DNAJC11: variants seen among roughly 807,000 people sequenced by gnomAD.
DNAJC11 encodes the protein DnaJ heat shock protein family (Hsp40) member C11.
DNAJC11 carries 15 observed loss-of-function variants against 78.6 expected under a neutral mutation model. The ratio of observed to expected loss-of-function variants is 0.19; its 90% CI spans 0.13 to 0.29. DNAJC11 has a LOEUF of 0.29. Ranked by LOEUF, DNAJC11 falls within the 10% of genes least tolerant of loss-of-function variation. DNAJC11 has a pLI of 1.00. For missense variants in DNAJC11, 547 were observed against 709.6 expected, an observed-to-expected ratio of 0.77 and a Z score of 2.60; for synonymous variants, 292 against 272.1, an observed-to-expected ratio of 1.07 and a Z score of -0.72.
intron 3 of DNAJC11, chr1:6,668,298 G>C (rs1389564285): frequency 3.3e-5 from 5 of 153,170 alleles, no homozygotes; most frequent in African/African-American, 1.2e-4. Flanking sequence ...CACCACCCCT[G>C]GCTAATTTTT....
intron 4 of DNAJC11, among the ~76,000 whole-genome samples, chr1:6,661,405 G>A (rs1642209444): frequency 6.6e-6 from 1 of 152,148 alleles, no homozygotes; most frequent in African/African-American, 2.4e-5. Flanking sequence ...AACCTTGTTT[G>A]TGAGCGATTA....
chr1:6,672,141 G>T (rs1212898188), intron 3 of DNAJC11, among the ~76,000 whole-genome samples: 1 of 152,148 alleles, frequency 6.6e-6, no homozygotes, highest in Non-Finnish European at 1.5e-5. Flanking sequence ...GGCCTGGATA[G>T]AAATTTTATA....
At chr1:6,675,289 G>GAA (rs755060430) in intron 3 of DNAJC11, among the ~76,000 whole-genome samples, 2 of 117,872 alleles carry the variant, frequency 1.7e-5, no homozygotes, top group Non-Finnish European at 3.6e-5. Flanking sequence ...GTATCCACAT[G>GAA]AAAAAAAAAA....
chr1:6,668,496 T>C (rs1401379711), intron 3 of DNAJC11, among the ~76,000 whole-genome samples: 2 of 152,112 alleles, frequency 1.3e-5, no homozygotes, highest in Non-Finnish European at 2.9e-5. Flanking sequence ...ATGTTAAATA[T>C]CAAGACGAAG....
chr1:6,654,315 A>G lies in DNAJC11; in HGVS notation c.379-276T>C, dbSNP rs1642098139. On this transcript the variant is annotated intron_variant, in intron 4 of 15. Coordinates refer to ENST00000377577, the MANE Select transcript of DNAJC11 (RefSeq NM_018198.4). The stretch of plus-strand genomic sequence containing the variant: ...GCAGAGCAATGACACGCCAAAGACA[A>G]AAGTGTTAGTCAAAGGAGTAAGAGC... 6 of 306,392 alleles carry G rather than the reference A, an allele frequency of 2.0e-5. 1 individual carries two copies. The South Asian group carries it at 2.1e-4, about 11-fold the overall frequency. 19.0% of individuals were successfully genotyped at this position (306,392 alleles called of 1,614,324 possible).
intron 1 of DNAJC11, among the ~76,000 whole-genome samples, chr1:6,684,655 T>A (rs1463684465): frequency 1.3e-5 from 2 of 152,208 alleles, no homozygotes; most frequent in Non-Finnish European, 2.9e-5. Flanking sequence ...GGTCCTTTCA[T>A]TAAAACTGAA....
chr1:6,701,402 G>A (rs908872257), intron 1 of DNAJC11, among the ~76,000 whole-genome samples: 2 of 152,196 alleles, frequency 1.3e-5, no homozygotes, highest in South Asian at 2.1e-4. Context: ...GGTCTCGGAG[G>A]ACTGCTAACC....
At chr1:6,667,887 T>C (rs1642316667) in intron 3 of DNAJC11, 77 bp from the exon 4 acceptor site, 10 of 1,412,264 alleles carry the variant, frequency 7.1e-6, no homozygotes, top group South Asian at 1.2e-5. Flanking sequence ...GCTGCAGCCA[T>C]TGATTTTGGT....
At chr1:6,686,761 T>C (rs1303851501) in intron 1 of DNAJC11, among the ~76,000 whole-genome samples, 1 of 152,246 alleles carries the variant, frequency 6.6e-6, no homozygotes, top group South Asian at 2.1e-4. Flanking sequence ...AATTTGATAC[T>C]TTGAAGACTG....
chr1:6,693,617 C>A (rs944503206), intron 1 of DNAJC11, among the ~76,000 whole-genome samples: 1 of 151,526 alleles, frequency 6.6e-6, no homozygotes, highest in Non-Finnish European at 1.5e-5. Flanking sequence ...CTCCTGACCT[C>A]GTGATTCACC....
chr1:6,665,033 T>G (rs1291092325), intron 4 of DNAJC11, among the ~76,000 whole-genome samples: 1 of 151,704 alleles, frequency 6.6e-6, no homozygotes, highest in African/African-American at 2.4e-5. Context: ...CTGTGGGGGG[T>G]CCAGCTGACA....
chr1:6,674,397 C>T (rs1642427773), intron 3 of DNAJC11, among the ~76,000 whole-genome samples: 1 of 151,970 alleles, frequency 6.6e-6, no homozygotes, highest in South Asian at 2.1e-4. Flanking sequence ...TCTGTCTCTA[C>T]CAAAAATACA....
intron 2 of DNAJC11, among the ~76,000 whole-genome samples, chr1:6,679,431 C>T (rs1468622347): frequency 6.6e-6 from 1 of 152,186 alleles, no homozygotes; most frequent in Non-Finnish European, 1.5e-5. Context: ...CCCAACTGAA[C>T]GATATCCCAA....
chr1:6,651,715 C>T, intron 6 of DNAJC11, 113 bp from the exon 7 acceptor site: 1 of 781,476 alleles, frequency 1.3e-6, no homozygotes, highest in East Asian at 2.6e-5. Flanking sequence ...ACTGGTCTTG[C>T]CAGGGCTCTA....
intron 4 of DNAJC11, among the ~76,000 whole-genome samples, chr1:6,659,823 T>C (rs7519427): frequency 0.36 from 55,065 of 151,560 alleles, 10,358 homozygotes; most frequent in African/African-American, 0.43. Flanking sequence ...TTTGGGAGGC[T>C]GAGGCGGGCA....
chr1:6,650,664 A>C (rs1362476542), intron 7 of DNAJC11, among the ~76,000 whole-genome samples: 2 of 152,140 alleles, frequency 1.3e-5, no homozygotes, highest in African/African-American at 4.8e-5. Flanking sequence ...ACCTGAGGTC[A>C]GGAGTTCGAG....
At position 6,695,699 on chromosome 1, in the gene DNAJC11, T is replaced by C. The variant is rs556768560; in HGVS notation, c.72+6030A>G. 6.9e-5 allele frequency among the ~76,000 whole-genome samples: 10 copies of C among 145,210 alleles called. No individual in the cohort carries two copies. The South Asian group carries it at 2.0e-3, about 28-fold the overall frequency. On this transcript the variant is annotated intron_variant, in intron 1 of 15. Transcript: ENST00000377577. Reference sequence around the variant, plus strand: ...GGTGTGTGCCTGTAATCCCAGCTACTTGGGAGGCTGAGGCAGGAGAATTGC... The same window carrying C: ...GGTGTGTGCCTGTAATCCCAGCTACCTGGGAGGCTGAGGCAGGAGAATTGC...
intron 4 of DNAJC11, among the ~76,000 whole-genome samples, chr1:6,664,100 T>TTA (rs1359696098): frequency 7.2e-5 from 11 of 152,192 alleles, no homozygotes; most frequent in Admixed American, 5.2e-4. Context: ...GCTGGGGATT[T>TTA]TACACGTTCC....
In DNAJC11 at chr1:6,677,454, G is replaced by A. The variant is rs149337905; in HGVS notation, c.276+940C>T. On this transcript the variant is annotated intron_variant, in intron 3 of 15. Coordinates refer to ENST00000377577, the MANE Select transcript of DNAJC11 (RefSeq NM_018198.4). ...AATACAGGTGTGCGCCACCAAGCCCGACTAATTTTTAAAAAAATGTTTTGT... is the reference window on the plus strand; with the variant it reads ...AATACAGGTGTGCGCCACCAAGCCCAACTAATTTTTAAAAAAATGTTTTGT... 3.4e-4 allele frequency among the ~76,000 whole-genome samples: 52 copies of A among 151,934 alleles called. 1 individual carries two copies. Among genetic ancestry groups the A allele is most frequent in the African/African-American group, 1.0e-3 (43 of 41,436 alleles).
Sources: gnomAD v4.1 joint callset for allele counts (sites outside exome capture counted in the v4.1 genomes callset) on GRCh38, gnomAD v4.1.1 for gene constraint, MANE v1.5 for transcripts, NCBI Gene and HGNC (gene_info 2026-07-23, HGNC 2026-07-21) for gene names.